KSR2: variants seen among roughly 807,000 people sequenced by gnomAD.
KSR2 encodes the protein kinase suppressor of ras 2.
KSR2 carries 25 observed loss-of-function variants against 107.8 expected under a neutral mutation model. That is an observed-to-expected ratio of 0.23 (90% CI 0.17 to 0.32). The LOEUF is 0.32. Among genes scored for constraint, KSR2 ranks in the 10% least tolerant of loss-of-function variants. The pLI, the probability that KSR2 is intolerant of heterozygous loss-of-function variation, is 1.00. For missense variants in KSR2, 887 were observed against 1,268.9 expected, an observed-to-expected ratio of 0.70 and a Z score of 4.57; for synonymous variants, 480 against 507.0, an observed-to-expected ratio of 0.95 and a Z score of 0.71.
At chr12:117,649,850 T>C (rs1883812218) in intron 5 of KSR2, among the ~76,000 whole-genome samples, 1 of 152,200 alleles carries the variant, frequency 6.6e-6, no homozygotes, top group African/African-American at 2.4e-5. Flanking sequence ...GAAATGGTTT[T>C]CTGTACAATG....
chr12:117,935,623 T>C (rs1195213843), intron 1 of KSR2, among the ~76,000 whole-genome samples: 1 of 152,100 alleles, frequency 6.6e-6, no homozygotes, highest in Admixed American at 6.6e-5. Flanking sequence ...TAGCCGGTCG[T>C]AGTAGTGGGC....
intron 1 of KSR2, among the ~76,000 whole-genome samples, chr12:117,912,926 T>G (rs1233066834): frequency 2.0e-5 from 3 of 152,134 alleles, no homozygotes; most frequent in Admixed American, 2.0e-4. Context: ...AACAAATCAT[T>G]GGCAGCCAGT....
chr12:117,772,670 C>CACAA (rs1889546031), intron 3 of KSR2, among the ~76,000 whole-genome samples: 1 of 149,566 alleles, frequency 6.7e-6, no homozygotes, highest in Admixed American at 6.7e-5. Flanking sequence ...CCCAAAGATG[C>CACAA]ACACACACTC....
At chr12:117,644,503 C>A (rs898888396) in intron 5 of KSR2, among the ~76,000 whole-genome samples, 10 of 152,168 alleles carry the variant, frequency 6.6e-5, no homozygotes, top group African/African-American at 2.2e-4. Context: ...AAAGTACTAA[C>A]CCCTGGACCC....
intron 4 of KSR2, among the ~76,000 whole-genome samples, chr12:117,697,946 T>C (rs1221782154): frequency 6.6e-6 from 1 of 151,806 alleles, no homozygotes; most frequent in Non-Finnish European, 1.5e-5. Flanking sequence ...GATGTCCCTA[T>C]AAAAAGGGGA....
At position 117,667,508 on chromosome 12, in the gene KSR2, G is replaced by T. The variant is rs1453914252; in HGVS notation, c.1137C>A (p.Thr379=). The T allele has an allele frequency of 1.2e-6, 2 of 1,612,354 alleles. No individual in the cohort carries two copies. Among genetic ancestry groups the T allele is most frequent in the Admixed American group, 1.7e-5 (1 of 59,880 alleles). The part of the protein sequence containing the change: ...FVGHAPFLPS[T]PPVHTEANFS... Reference sequence around the variant, plus strand: ...AGTTGGCCTCAGTGTGAACAGGAGGGGTGGAAGGCAGGAAAGGTGCGTGTC... The same window carrying T: ...AGTTGGCCTCAGTGTGAACAGGAGGTGTGGAAGGCAGGAAAGGTGCGTGTC... Residue 379 remains threonine, a synonymous_variant, in exon 5 of 20, where the codon ACC becomes ACA. Coordinates refer to ENST00000339824, the MANE Select transcript of KSR2 (RefSeq NM_173598.6).
In KSR2 at chr12:117,860,285, G is replaced by A. The variant is rs768970029; in HGVS notation, c.321+6C>T. The A allele has an allele frequency of 2.7e-5, 43 of 1,606,874 alleles. No homozygotes were observed. In the East Asian group the frequency reaches 8.5e-4, roughly 32 times the overall value. ...GGGCAGGGGACACAGGGGCCCCCCA[G>A]GTCACCTCCAGGACCTCCTTGCGCA... On this transcript the variant is annotated splice_donor_region_variant and intron_variant, in intron 2 of 19. Coordinates refer to ENST00000339824, the MANE Select transcript of KSR2 (RefSeq NM_173598.6).
chr12:117,849,061 A>G (rs554062785), intron 3 of KSR2, among the ~76,000 whole-genome samples: 212 of 152,262 alleles, frequency 1.4e-3, no homozygotes, highest in African/African-American at 4.8e-3. Flanking sequence ...CTTAAACCCA[A>G]GTTTGTTGGA....
rs561196467 is a variant in KSR2 at position 117,527,413 on chromosome 12, T to A, written c.1803-294A>T. 7.2e-5 allele frequency among the ~76,000 whole-genome samples: 11 copies of A among 152,062 alleles called. No homozygotes were observed. The South Asian group carries it at 2.3e-3, about 32-fold the overall frequency. On this transcript the variant is annotated intron_variant, in intron 12 of 19. Transcript: ENST00000339824. Reference sequence around the variant, plus strand: ...GTTTTAAGTTGATTTTCCGGGCTGCTCAGGGCTCATTTTTCTTCATTGCTT... The same window carrying A: ...GTTTTAAGTTGATTTTCCGGGCTGCACAGGGCTCATTTTTCTTCATTGCTT...
At chr12:117,966,210 C>G (rs1440983464) in intron 1 of KSR2, among the ~76,000 whole-genome samples, 1 of 150,480 alleles carries the variant, frequency 6.6e-6, no homozygotes, top group Non-Finnish European at 1.5e-5. Context: ...ATGTTTGAAA[C>G]AAAAAAAAAG....
At chr12:117,848,933 C>T (rs551989648) in intron 3 of KSR2, among the ~76,000 whole-genome samples, 1 of 151,202 alleles carries the variant, frequency 6.6e-6, no homozygotes, top group East Asian at 1.9e-4. Context: ...TGTAATGCTC[C>T]CAGCAACCAC....
intron 4 of KSR2, among the ~76,000 whole-genome samples, chr12:117,724,294 C>T (rs1408419808): frequency 8.0e-6 from 1 of 125,278 alleles, no homozygotes; most frequent in Non-Finnish European, 1.6e-5. Flanking sequence ...GACAACAGGA[C>T]AGAGTGACAC....
chr12:117,721,809 C>T (rs1029461867), intron 4 of KSR2, among the ~76,000 whole-genome samples: 6 of 152,158 alleles, frequency 3.9e-5, no homozygotes, highest in Non-Finnish European at 7.3e-5. Flanking sequence ...TCCACTGGTA[C>T]CACCCTTTAA....
At chr12:117,947,712 A>G (rs1250088049) in intron 1 of KSR2, among the ~76,000 whole-genome samples, 1 of 152,174 alleles carries the variant, frequency 6.6e-6, no homozygotes, top group East Asian at 1.9e-4. Context: ...ACAAAAATCA[A>G]TTATATTTTT....
chr12:117,657,598 C>T (rs761387901), intron 5 of KSR2, among the ~76,000 whole-genome samples: 35 of 152,134 alleles, frequency 2.3e-4, no homozygotes, highest in Non-Finnish European at 4.7e-4. Flanking sequence ...GCAGGAGAAA[C>T]ATCCATAAAT....
intron 1 of KSR2, among the ~76,000 whole-genome samples, chr12:117,964,043 C>T (rs142668172): frequency 0.013 from 2,017 of 152,232 alleles, 43 homozygotes; most frequent in African/African-American, 0.047. Flanking sequence ...TTTGGGAGGC[C>T]GAGGCGGGCA....
At chr12:117,890,415 T>C (rs1327291615) in intron 1 of KSR2, among the ~76,000 whole-genome samples, 1 of 152,192 alleles carries the variant, frequency 6.6e-6, no homozygotes, top group Non-Finnish European at 1.5e-5. Context: ...TTCTCTGACA[T>C]TTACCATCCT....
intron 14 of KSR2, among the ~76,000 whole-genome samples, chr12:117,489,852 C>T (rs746476271): frequency 2.6e-5 from 4 of 152,148 alleles, no homozygotes; most frequent in Admixed American, 1.3e-4. Context: ...GAGGCTAGGG[C>T]GGCCCCGGCA....
chr12:117,900,680 T>C (rs79865569), intron 1 of KSR2, among the ~76,000 whole-genome samples: 19,917 of 152,144 alleles, frequency 0.13, 1,402 homozygotes, highest in South Asian at 0.19. Context: ...CTTTTTACTG[T>C]CTTTCTTAAG....
Sources: allele counts gnomAD v4.1 joint callset (sites outside exome capture counted in the v4.1 genomes callset), GRCh38; gene constraint gnomAD v4.1.1; transcripts MANE v1.5; gene names NCBI Gene and HGNC (gene_info 2026-07-23, HGNC 2026-07-21).